TULP4: variants seen among roughly 807,000 people sequenced by gnomAD.
TULP4 encodes TUB like protein 4, also known as tubby-related protein 4.
TULP4 carries 16 observed loss-of-function variants against 129.0 expected under a neutral mutation model. The ratio of observed to expected loss-of-function variants is 0.12; its 90% CI spans 0.08 to 0.19. The LOEUF (loss-of-function observed/expected upper bound fraction) is 0.19. TULP4 is among the 10% of genes least tolerant of loss of function. TULP4 has a pLI of 1.00. For synonymous variants in TULP4, 998 were observed against 854.0 expected (o/e 1.17, Z -2.94); for missense variants, 1,842 against 2,059.1 (o/e 0.89, Z 2.04).
At chr6:158,344,572 T>C (rs1044839256) in intron 1 of TULP4, among the ~76,000 whole-genome samples, 2 of 152,236 alleles carry the variant, frequency 1.3e-5, no homozygotes, top group African/African-American at 4.8e-5. Flanking sequence ...GTTACTGTTG[T>C]AATTGTTTCA....
At chr6:158,388,303 AAAT>A in intron 1 of TULP4, among the ~76,000 whole-genome samples, 1 of 151,482 alleles carries the variant, frequency 6.6e-6, no homozygotes, top group East Asian at 1.9e-4. Flanking sequence ...GTTTAAAGAA[AAAT>A]AATCTGCTCG....
At chr6:158,456,506 A>G (rs1051107709) in intron 5 of TULP4, among the ~76,000 whole-genome samples, 5 of 125,210 alleles carry the variant, frequency 4.0e-5, no homozygotes, top group Non-Finnish European at 8.4e-5. Context: ...AAGATTGGAC[A>G]CCTCTGTTCT....
At chr6:158,312,434 G>A (rs1465790161), upstream of TULP4, 1 of 255,182 alleles carries the variant, frequency 3.9e-6, no homozygotes, top group African/African-American at 2.2e-5. Context: ...GGAACTAAGT[G>A]AGAAGGTGAC....
In TULP4 at chr6:158,257,544, T is replaced by C. The variant is rs190344673; in HGVS notation, n.68+25241T>C. On this transcript the variant is annotated intron_variant and non_coding_transcript_variant, in intron 1 of 1. Transcript: ENST00000620026. ...TTCAACCAGGTGCTTTCATGGACTT[T>C]AAAAATAACGGTTGCTTCTTCTGTA... Among the ~76,000 whole-genome samples, 5 of 152,366 alleles carry C rather than the reference T, an allele frequency of 3.3e-5. No homozygotes were observed. In the East Asian group the frequency reaches 9.6e-4, roughly 29 times the overall value.
intron 3 of TULP4, among the ~76,000 whole-genome samples, chr6:158,437,087 C>T (rs1385303111): frequency 6.6e-6 from 1 of 152,130 alleles, no homozygotes; most frequent in African/African-American, 2.4e-5. Context: ...CACTGAATGC[C>T]TGTGCACCTC....
At chr6:158,333,169 T>A (rs1779951430) in intron 1 of TULP4, among the ~76,000 whole-genome samples, 1 of 152,212 alleles carries the variant, frequency 6.6e-6, no homozygotes, top group Non-Finnish European at 1.5e-5. Context: ...ATGGACTGAA[T>A]GTTTGTATCC....
intron 1 of TULP4, among the ~76,000 whole-genome samples, chr6:158,261,852 C>T (rs1778357750): frequency 6.6e-6 from 1 of 152,104 alleles, no homozygotes; most frequent in South Asian, 2.1e-4. Context: ...TCAATAATCA[C>T]ACCATGACCA....
At chr6:158,384,194 T>C (rs943564623) in intron 1 of TULP4, among the ~76,000 whole-genome samples, 10 of 152,230 alleles carry the variant, frequency 6.6e-5, no homozygotes, top group African/African-American at 2.4e-4. Flanking sequence ...GCCAATTCTT[T>C]TATTCATTTT....
intron 1 of TULP4, among the ~76,000 whole-genome samples, chr6:158,299,887 A>G (rs1458407505): frequency 2.6e-5 from 4 of 152,202 alleles, no homozygotes; most frequent in Admixed American, 6.5e-5. Flanking sequence ...ACCTATTATA[A>G]GCGAGATCCA....
intron 1 of TULP4, among the ~76,000 whole-genome samples, chr6:158,297,675 T>C (rs1443060639): frequency 6.6e-6 from 1 of 152,218 alleles, no homozygotes; most frequent in Non-Finnish European, 1.5e-5. Context: ...CGGCTCCAGC[T>C]GGTCCCTCTG....
chr6:158,372,902 T>C (rs1036113176), intron 1 of TULP4, among the ~76,000 whole-genome samples: 3 of 152,256 alleles, frequency 2.0e-5, no homozygotes, highest in Admixed American at 2.0e-4. Flanking sequence ...TAGCAAACGT[T>C]AGGCATATAA....
intron 12 of TULP4, among the ~76,000 whole-genome samples, chr6:158,501,291 AAT>A (rs1463584497): frequency 6.6e-6 from 1 of 152,178 alleles, no homozygotes; most frequent in African/African-American, 2.4e-5. Context: ...GCAAGTCCTC[AAT>A]GGAGGTTTTT....
At chr6:158,422,057 T>A (rs541343791) in intron 2 of TULP4, among the ~76,000 whole-genome samples, 1 of 152,316 alleles carries the variant, frequency 6.6e-6, no homozygotes, top group Non-Finnish European at 1.5e-5. Flanking sequence ...GATAGGTATT[T>A]ATCTTAAAAT....
chr6:158,244,507 G>C (rs1055464004), intron 1 of TULP4, among the ~76,000 whole-genome samples: 2 of 152,196 alleles, frequency 1.3e-5, no homozygotes, highest in Non-Finnish European at 2.9e-5. Context: ...ATGAGGTCAT[G>C]AGTGTGGGGC....
intron 1 of TULP4, among the ~76,000 whole-genome samples, chr6:158,337,324 T>A (rs146722288): frequency 2.7e-3 from 404 of 151,894 alleles, no homozygotes; most frequent in African/African-American, 9.4e-3. Flanking sequence ...AGAGATGGGG[T>A]TTCACCATGT....
At chr6:158,298,917 A>G (rs144761804) in intron 1 of TULP4, among the ~76,000 whole-genome samples, 71 of 152,346 alleles carry the variant, frequency 4.7e-4, no homozygotes, top group African/African-American at 1.6e-3. Flanking sequence ...CATAATGCCA[A>G]TTGGAGTCCC....
intron 5 of TULP4, among the ~76,000 whole-genome samples, chr6:158,454,022 C>A (rs1408988084): frequency 5.3e-5 from 5 of 94,676 alleles, no homozygotes; most frequent in Non-Finnish European, 7.8e-5. Flanking sequence ...CTCTGCACCG[C>A]CCCCCCCCAA....
intron 1 of TULP4, among the ~76,000 whole-genome samples, chr6:158,377,216 TACAC>T (rs1378607377): frequency 1.3e-5 from 2 of 152,226 alleles, no homozygotes; most frequent in African/African-American, 2.4e-5. Flanking sequence ...AGCACTGTCT[TACAC>T]ACACAGTAAC....
At chr6:158,500,339 A>G (rs1780416279) in intron 12 of TULP4, among the ~76,000 whole-genome samples, 1 of 152,240 alleles carries the variant, frequency 6.6e-6, no homozygotes, top group Admixed American at 6.5e-5. Flanking sequence ...AACCTGAGAC[A>G]GACCCAAATT....
Sources: gnomAD v4.1 joint callset for allele counts (sites outside exome capture counted in the v4.1 genomes callset) on GRCh38, gnomAD v4.1.1 for gene constraint, MANE v1.5 for transcripts, NCBI Gene and HGNC (gene_info 2026-07-23, HGNC 2026-07-21) for gene names.